Variants in CPNE4 observed in about 807,000 individuals in gnomAD.
CPNE4 encodes the protein copine 4, also known as copine-4.
A neutral mutation model predicts 67.9 loss-of-function variants in CPNE4; 25 were observed. The observed-to-expected ratio is 0.37, with a 90% confidence interval of 0.27 to 0.51. The LOEUF (loss-of-function observed/expected upper bound fraction) is 0.51. Ranked by LOEUF, CPNE4 falls within the 20% of genes least tolerant of loss-of-function variation. The probability of loss-of-function intolerance (pLI) is 0.93; values close to 1 mark genes in which losing one functional copy is unlikely to be tolerated. For missense variants in CPNE4, 464 were observed against 690.8 expected, an observed-to-expected ratio of 0.67 and a Z score of 3.68; for synonymous variants, 242 against 244.9, an observed-to-expected ratio of 0.99 and a Z score of 0.11.
chr3:131,928,615 A>G (rs571634907), intron 1 of CPNE4, among the ~76,000 whole-genome samples: 1 of 152,322 alleles, frequency 6.6e-6, no homozygotes, highest in East Asian at 1.9e-4. Flanking sequence ...GCTGTATTCA[A>G]GTGAATGTGC....
At chr3:131,642,695 C>T (rs934783578) in intron 7 of CPNE4, among the ~76,000 whole-genome samples, 4 of 152,082 alleles carry the variant, frequency 2.6e-5, no homozygotes, top group East Asian at 1.9e-4. Context: ...CTTATGATAT[C>T]CGATGGTTTT....
intron 2 of CPNE4, among the ~76,000 whole-genome samples, chr3:131,735,712 T>C (rs1209085783): frequency 1.3e-5 from 2 of 152,206 alleles, no homozygotes; most frequent in African/African-American, 4.8e-5. Flanking sequence ...ACAAAGAAGT[T>C]AAAATACAAG....
chr3:131,542,683 T>G lies in CPNE4; in HGVS notation c.1413A>C (p.Gly471=). 6.2e-7 allele frequency: 1 copy of G among 1,613,962 alleles called. No homozygotes were observed. Among genetic ancestry groups the G allele is most frequent in the East Asian group, 2.2e-5 (1 of 44,862 alleles). ...TGTCACTGAAGTCAGCGTTCCCTAC[T>G]CCCACGATGATGACTGACATGGGGA... The part of the protein sequence containing the change: ...SHLPMSVIIV[G]VGNADFSDMQ... The change falls in exon 15 of 16, where the codon GGA becomes GGC. Residue 471 remains glycine (G), a synonymous_variant. Transcript: ENST00000429747.
chr3:131,556,015 C>G (rs1936437662), intron 11 of CPNE4, among the ~76,000 whole-genome samples: 1 of 151,982 alleles, frequency 6.6e-6, no homozygotes, highest in African/African-American at 2.4e-5. Context: ...GTGACTTGCC[C>G]AAGATCATGC....
At position 132,027,748 on chromosome 3, in the gene CPNE4, C is replaced by T. The variant is rs970250500; in HGVS notation, c.-2+6819G>A. Among the ~76,000 whole-genome samples the T allele has an allele frequency of 6.6e-5, 10 of 152,184 alleles. No homozygotes were observed. The East Asian group carries it at 1.4e-3, about 21-fold the overall frequency. ...GAGTTACCTGTTGAATCAACTGCTC[C>T]GAAGATAACAAAGACATCACCTCAG... On this transcript the variant is annotated intron_variant, in intron 1 of 15. Transcript: ENST00000429747.
At chr3:132,028,567 A>G (rs536431477) in intron 1 of CPNE4, among the ~76,000 whole-genome samples, 1 of 152,342 alleles carries the variant, frequency 6.6e-6, no homozygotes, top group East Asian at 1.9e-4. Context: ...ATTTAAAAAT[A>G]AAATGGTGAT....
chr3:131,538,236 G>A (rs751735409), intron 15 of CPNE4, among the ~76,000 whole-genome samples: 3 of 152,258 alleles, frequency 2.0e-5, no homozygotes, highest in Non-Finnish European at 2.9e-5. Context: ...TTAGTCTCAC[G>A]CAACTATTGA....
chr3:131,774,469 A>C, intron 2 of CPNE4, among the ~76,000 whole-genome samples: 1 of 152,130 alleles, frequency 6.6e-6, no homozygotes, highest in Non-Finnish European at 1.5e-5. Context: ...TAAATGAAGG[A>C]GCAAAAGTAT....
intron 7 of CPNE4, among the ~76,000 whole-genome samples, chr3:131,648,273 G>A (rs1422985716): frequency 6.6e-6 from 1 of 152,320 alleles, no homozygotes; most frequent in Middle Eastern, 3.4e-3. Flanking sequence ...TTGGGAGGCT[G>A]AAGGTGGGAG....
chr3:131,790,493 A>G (rs1313831258), intron 2 of CPNE4, among the ~76,000 whole-genome samples: 2 of 152,264 alleles, frequency 1.3e-5, no homozygotes, highest in Non-Finnish European at 1.5e-5. Context: ...TAGGAGTCTA[A>G]CTGAGAAATT....
chr3:131,748,023 T>C (rs1481326753), intron 2 of CPNE4, among the ~76,000 whole-genome samples: 2 of 152,080 alleles, frequency 1.3e-5, no homozygotes, highest in African/African-American at 2.4e-5. Flanking sequence ...GAAGTTCTCC[T>C]CTATCCTGAT....
intron 7 of CPNE4, among the ~76,000 whole-genome samples, chr3:131,597,621 C>T (rs1467605524): frequency 6.6e-6 from 1 of 152,146 alleles, no homozygotes; most frequent in Non-Finnish European, 1.5e-5. Context: ...GCACAATTCT[C>T]ACAGTTAAAG....
intron 2 of CPNE4, among the ~76,000 whole-genome samples, chr3:131,811,243 T>G (rs892570831): frequency 1.3e-5 from 2 of 152,058 alleles, no homozygotes; most frequent in Admixed American, 6.6e-5. Flanking sequence ...GAGAAAACTT[T>G]AGGAGATGAT....
intron 2 of CPNE4, among the ~76,000 whole-genome samples, chr3:131,769,002 G>C (rs1365644315): frequency 6.6e-6 from 1 of 152,170 alleles, no homozygotes; most frequent in Non-Finnish European, 1.5e-5. Flanking sequence ...CTGGCACGAG[G>C]ATGTGAAGTT....
At chr3:131,655,368 T>G (rs2079927615) in intron 7 of CPNE4, among the ~76,000 whole-genome samples, 1 of 152,220 alleles carries the variant, frequency 6.6e-6, no homozygotes, top group Non-Finnish European at 1.5e-5. Context: ...GACCTTGTCT[T>G]AAGGTCTGTT....
intron 7 of CPNE4, among the ~76,000 whole-genome samples, chr3:131,613,569 G>A (rs762937053): frequency 7.2e-5 from 11 of 152,148 alleles, no homozygotes; most frequent in Non-Finnish European, 1.3e-4. Context: ...CTTGCAAAAC[G>A]TTGTTCATAT....
At position 131,920,953 on chromosome 3, in the gene CPNE4, T is replaced by C. The variant is rs370250362; in HGVS notation, c.-1-15509A>G. Reference sequence around the variant, plus strand: ...GGTAAATGGCTGAAGCTAAAGAAGATGTCTGATGGTCTGGTATCCTTACAG... The same window carrying C: ...GGTAAATGGCTGAAGCTAAAGAAGACGTCTGATGGTCTGGTATCCTTACAG... On this transcript the variant is annotated intron_variant, in intron 1 of 15. Coordinates refer to ENST00000429747, the MANE Select transcript of CPNE4 (RefSeq NM_130808.3). Among the ~76,000 whole-genome samples, 10 of 152,290 alleles carry C rather than the reference T, an allele frequency of 6.6e-5. No individual in the cohort carries two copies. The South Asian group carries it at 1.2e-3, about 19-fold the overall frequency.
chr3:131,694,427 T>C (rs1452433619), intron 5 of CPNE4, among the ~76,000 whole-genome samples: 4 of 152,196 alleles, frequency 2.6e-5, no homozygotes, highest in Non-Finnish European at 5.9e-5. Flanking sequence ...GTTTGCATTT[T>C]GTAAACATGA....
At chr3:131,803,177 T>C (rs775581119) in intron 2 of CPNE4, among the ~76,000 whole-genome samples, 1 of 152,222 alleles carries the variant, frequency 6.6e-6, no homozygotes, top group African/African-American at 2.4e-5. Flanking sequence ...AACCTTGGAA[T>C]TCGACAAATT....
Sources: allele counts gnomAD v4.1 joint callset (sites outside exome capture counted in the v4.1 genomes callset), GRCh38; gene constraint gnomAD v4.1.1; transcripts MANE v1.5; gene names NCBI Gene and HGNC (gene_info 2026-07-23, HGNC 2026-07-21).